The following GOLGA6D variants were observed in gnomAD, a reference collection of about 807,000 sequenced individuals.
The protein encoded by GOLGA6D is golgin A6 family member D.
GOLGA6D carries 9 observed loss-of-function variants against 42.1 expected under a neutral mutation model. That is an observed-to-expected ratio of 0.21 (90% confidence interval 0.13 to 0.37). The LOEUF is 0.37. Ranked by LOEUF, GOLGA6D falls within the 10% of genes least tolerant of loss-of-function variation. The pLI is 1.00. For synonymous variants in GOLGA6D, 39 were observed against 167.3 expected, an observed-to-expected ratio of 0.23 and a Z score of 5.92; for missense variants, 87 against 420.8, an observed-to-expected ratio of 0.21 and a Z score of 6.94.
At position 75,294,113 on chromosome 15, in the gene GOLGA6D, G is replaced by A; in HGVS notation, c.1806G>A (p.Lys602=). ...LAQKEEEMKV[K]LLELQELVLP... ...CTGAGCACCCCTCCCTTCAGGTGAA[G>A]CTGCTGGAGCTGCAAGAGTTGGTGT... Residue 602 remains lysine (K), a synonymous_variant, in exon 17 of 18, where the codon AAG becomes AAA. Coordinates refer to ENST00000434739, the MANE Select transcript of GOLGA6D (RefSeq NM_001145224.3). The A allele has an allele frequency of 8.8e-7, 1 of 1,131,580 alleles. No homozygotes were observed. The highest frequency in any genetic ancestry group is 1.2e-6 in the Non-Finnish European group (1 of 804,644). The allele number at this position is 1,131,580 out of a possible 1,614,324, so 70.1% of individuals were successfully genotyped here. A position where few individuals can be genotyped will look rare whatever the true frequency, so the allele number is the denominator to read the frequency against.
chr15:75,277,815 T>G, the GOLGA6D span, among the ~76,000 whole-genome samples: 2 of 150,556 alleles, frequency 1.3e-5, no homozygotes, highest in Non-Finnish European at 1.5e-5. Context: ...AAAAAAAAAA[T>G]GTCACTGTTT....
rs781163478 is a variant in GOLGA6D, at chr15:75,294,363, G to A, written c.1970G>A (p.Ser657Asn). The change falls in exon 18 of 18, where the codon AGC becomes AAC. Residue 657 changes from serine to asparagine, a missense_variant. By Grantham distance (46) the Ser-to-Asn change is conservative. Transcript: ENST00000434739. Reference sequence around the variant, plus strand: ...CTCTCCGAAGTTTTTTATGAAGTGAGCCTGGACAACAACGTGGAGCCTGCA... The same window carrying A: ...CTCTCCGAAGTTTTTTATGAAGTGAACCTGGACAACAACGTGGAGCCTGCA... ...AGEQDVFYEV[S>N]LDNNVEPAPG... 6.3e-7 allele frequency: 1 copy of A among 1,597,434 alleles called. No individual in the cohort carries two copies. The highest frequency in any genetic ancestry group is 1.1e-5 in the South Asian group (1 of 90,450).
chr15:75,294,626 A>G lies in GOLGA6D; in HGVS notation c.*151A>G. On this transcript the variant is annotated 3_prime_UTR_variant, in exon 18 of 18. Coordinates refer to ENST00000434739, the MANE Select transcript of GOLGA6D (RefSeq NM_001145224.3). The stretch of plus-strand genomic sequence containing the variant: ...AAGTTACGGGGTTCATCTCCTACAC[A>G]ATTCATTTACTCCATTTGAATGCTA... The G allele has an allele frequency of 2.3e-6, 2 of 888,320 alleles. No homozygotes were observed. The highest frequency in any genetic ancestry group is 3.3e-6 in the Non-Finnish European group (2 of 609,880). The allele number at this position is 888,320 out of a possible 1,614,324, so 55.0% of individuals were successfully genotyped here. A position where few individuals can be genotyped will look rare whatever the true frequency, so the allele number is the denominator to read the frequency against.
At chr15:75,288,703 T>C (rs552164032) in intron 7 of GOLGA6D, among the ~76,000 whole-genome samples, 1 of 114,306 alleles carries the variant, frequency 8.7e-6, no homozygotes, top group African/African-American at 3.3e-5. Context: ...TTACCATTTC[T>C]GTAGAGAGAG....
chr15:75,294,671 G>C lies in GOLGA6D; in HGVS notation c.*196G>C. 8 of 953,146 alleles carry C rather than the reference G, an allele frequency of 8.4e-6. No individual in the cohort carries two copies. The highest frequency in any genetic ancestry group is 1.2e-5 in the Non-Finnish European group (8 of 687,562). 59.0% of individuals were successfully genotyped at this position (953,146 alleles called of 1,614,324 possible). The stretch of plus-strand genomic sequence containing the variant: ...ATGCTAGAGCCACTCACTTTTATTT[G>C]TGTTTCTAATTTACCGTTTAAATTT... On this transcript the variant is annotated 3_prime_UTR_variant, in exon 18 of 18. Coordinates refer to ENST00000434739, the MANE Select transcript of GOLGA6D (RefSeq NM_001145224.3).
rs757061818 is a variant in GOLGA6D, at chr15:75,294,423, A to T, written c.2030A>T (p.Asn677Ile). The change falls in exon 18 of 18, where the codon AAC becomes ATC. Residue 677 changes from asparagine (N) to isoleucine (I), a missense_variant. By Grantham distance (149) the Asn-to-Ile change is moderately radical. Coordinates refer to ENST00000434739, the MANE Select transcript of GOLGA6D (RefSeq NM_001145224.3). ...GVAREGSPHNNPTVQQIVQLS... is the reference protein window; with the variant it reads ...GVAREGSPHNIPTVQQIVQLS... Reference sequence around the variant, plus strand: ...GCCAGGGAGGGTTCTCCCCATAACAACCCCACTGTACAGCAGATCGTGCAG... The same window carrying T: ...GCCAGGGAGGGTTCTCCCCATAACATCCCCACTGTACAGCAGATCGTGCAG... 2.5e-6 allele frequency: 4 copies of T among 1,597,524 alleles called. No individual in the cohort carries two copies. The highest frequency in any genetic ancestry group is 4.5e-5 in the East Asian group (2 of 44,740).
intron 2 of GOLGA6D, among the ~76,000 whole-genome samples, chr15:75,285,027 C>T (rs1338517320): frequency 1.4e-5 from 2 of 141,454 alleles, no homozygotes; most frequent in Non-Finnish European, 3.0e-5. Context: ...TCATGTTAAC[C>T]CCTAGTACGT....
intron 16 of GOLGA6D, 24 bp from the exon 17 acceptor site, chr15:75,294,084 G>C: frequency 8.4e-7 from 1 of 1,191,948 alleles, no homozygotes; most frequent in Non-Finnish European, 1.2e-6. Flanking sequence ...CTCCAGGGTG[G>C]GAGCTGAGCA....
the GOLGA6D span, among the ~76,000 whole-genome samples, chr15:75,277,597 G>A: frequency 7.5e-6 from 1 of 134,040 alleles, no homozygotes; most frequent in South Asian, 2.7e-4. Flanking sequence ...AGGCTGAAGT[G>A]GGTGAACGGC....
At chr15:75,276,138 G>T in the GOLGA6D span, among the ~76,000 whole-genome samples, 3 of 151,744 alleles carry the variant, frequency 2.0e-5, no homozygotes, top group East Asian at 5.8e-4. Flanking sequence ...TGGGCTGGAG[G>T]TGTGTCTTGA....
the GOLGA6D span, among the ~76,000 whole-genome samples, chr15:75,277,744 AG>A: frequency 1.0e-3 from 152 of 147,954 alleles, no homozygotes; most frequent in East Asian, 0.029. Context: ...TCGAGGCTGC[AG>A]TGAGCTGAGA....
the GOLGA6D span, among the ~76,000 whole-genome samples, chr15:75,276,201 G>C: frequency 6.6e-6 from 1 of 151,740 alleles, no homozygotes; most frequent in African/African-American, 2.4e-5. Flanking sequence ...TCAAGTGTCT[G>C]TATGGAGGAA....
chr15:75,288,736 T>C (rs2070865658), intron 7 of GOLGA6D, among the ~76,000 whole-genome samples: 1 of 137,574 alleles, frequency 7.3e-6, no homozygotes, highest in African/African-American at 2.9e-5. Context: ...TGTGTGTGTG[T>C]GTGTGTGTGT....
rs1196317650 is a variant in GOLGA6D at position 75,288,255 on chromosome 15, C to G, written c.458-3C>G. ...GGCCCCATCTCAACCTCTCTCATTA[C>G]AGAAGAGTCCAAGGATCTGGCTGGC... On this transcript the variant is annotated splice_polypyrimidine_tract_variant and splice_region_variant and intron_variant, in intron 6 of 17. Coordinates refer to ENST00000434739, the MANE Select transcript of GOLGA6D (RefSeq NM_001145224.3). The G allele has an allele frequency of 6.4e-7, 1 of 1,551,712 alleles. No individual in the cohort carries two copies. The highest frequency in any genetic ancestry group is 1.8e-5 in the Admixed American group (1 of 55,488).
In GOLGA6D at chr15:75,294,429, C is replaced by T. The variant is rs1285164896; in HGVS notation, c.2036C>T (p.Thr679Ile). Residue 679 changes from threonine to isoleucine, a missense_variant, in exon 18 of 18, where the codon ACT becomes ATT. By Grantham distance (89) the Thr-to-Ile change is moderately conservative (BLOSUM62 -1). Coordinates refer to ENST00000434739, the MANE Select transcript of GOLGA6D (RefSeq NM_001145224.3). ...AREGSPHNNP[T>I]VQQIVQLSPV... Reference sequence around the variant, plus strand: ...GAGGGTTCTCCCCATAACAACCCCACTGTACAGCAGATCGTGCAGCTGTCT... The same window carrying T: ...GAGGGTTCTCCCCATAACAACCCCATTGTACAGCAGATCGTGCAGCTGTCT... 4 of 1,598,056 alleles carry T rather than the reference C, an allele frequency of 2.5e-6. No homozygotes were observed. Among genetic ancestry groups the T allele is most frequent in the Admixed American group, 1.7e-5 (1 of 59,244 alleles).
At chr15:75,293,491 T>C (rs546634191) in intron 14 of GOLGA6D, among the ~76,000 whole-genome samples, 4,455 of 133,346 alleles carry the variant, frequency 0.033, 173 homozygotes, top group East Asian at 0.069. Flanking sequence ...GCGGAAGGTG[T>C]GAAGGCTGTG....
At chr15:75,278,729 C>T (rs2070836552), upstream of GOLGA6D, among the ~76,000 whole-genome samples, 1 of 151,858 alleles carries the variant, frequency 6.6e-6, no homozygotes, top group Non-Finnish European at 1.5e-5. Flanking sequence ...AGACAGGATA[C>T]TCTAGAAAGT....
chr15:75,276,161 C>T, the GOLGA6D span, among the ~76,000 whole-genome samples: 4 of 151,646 alleles, frequency 2.6e-5, no homozygotes, highest in Non-Finnish European at 5.9e-5. Flanking sequence ...GCCCCCTCAC[C>T]CCCATGGGGA....
At chr15:75,288,762 A>G (rs2070865934) in intron 7 of GOLGA6D, among the ~76,000 whole-genome samples, 1 of 140,600 alleles carries the variant, frequency 7.1e-6, no homozygotes, top group African/African-American at 2.8e-5. Context: ...TACTATGATA[A>G]TATACAAAAA....
Sources: allele counts gnomAD v4.1 joint callset (sites outside exome capture counted in the v4.1 genomes callset), GRCh38; gene constraint gnomAD v4.1.1; transcripts MANE v1.5; gene names NCBI Gene and HGNC (gene_info 2026-07-23, HGNC 2026-07-21).